Variants in INPP5A observed in about 807,000 individuals in gnomAD.
The protein encoded by INPP5A is 43 kDa inositol polyphosphate 5-phophatase.
Under a neutral mutation model 65.2 loss-of-function variants are expected in INPP5A, and 14 were observed. That is an observed-to-expected ratio of 0.21 (90% CI 0.14 to 0.34). The LOEUF is 0.34. Among genes scored for constraint, INPP5A ranks in the 10% least tolerant of loss-of-function variants. The pLI is 1.00. For synonymous variants in INPP5A, 207 were observed against 208.3 expected, an observed-to-expected ratio of 0.99 and a Z score of 0.05; for missense variants, 431 against 545.6, an observed-to-expected ratio of 0.79 and a Z score of 2.09.
chr10:132,734,776 C>G (rs983754488), intron 9 of INPP5A, among the ~76,000 whole-genome samples: 2 of 152,256 alleles, frequency 1.3e-5, no homozygotes, highest in African/African-American at 4.8e-5. Flanking sequence ...ACCGAAGTGT[C>G]TGTGCACATC....
intron 2 of INPP5A, among the ~76,000 whole-genome samples, chr10:132,621,250 A>T (rs1180677577): frequency 1.3e-5 from 2 of 152,220 alleles, no homozygotes; most frequent in East Asian, 3.8e-4. Flanking sequence ...TCTCCCATGC[A>T]GTATGGTACT....
chr10:132,624,886 C>A (rs1410015940), intron 2 of INPP5A, among the ~76,000 whole-genome samples: 1 of 152,008 alleles, frequency 6.6e-6, no homozygotes, highest in Non-Finnish European at 1.5e-5. Flanking sequence ...TGCCAGGGCC[C>A]ACACCGTGGC....
rs182333909 is a variant in INPP5A, at chr10:132,683,274, G to A, written c.307-7118G>A. ...TTGTATTATATACATATGCACACAC[G>A]TTTAATCCACGTGCACACGTGTGTG... On this transcript the variant is annotated intron_variant, in intron 4 of 15. Coordinates refer to ENST00000368594, the MANE Select transcript of INPP5A (RefSeq NM_005539.5). Among the ~76,000 whole-genome samples, 17 of 127,272 alleles carry A rather than the reference G, an allele frequency of 1.3e-4. No individual in the cohort carries two copies. In the East Asian group the frequency reaches 3.8e-3, roughly 29 times the overall value. The allele number at this position is 127,272 out of a possible 152,430, so 83.5% of individuals were successfully genotyped here.
chr10:132,604,053 T>C (rs374882106), intron 1 of INPP5A, among the ~76,000 whole-genome samples: 72 of 108,072 alleles, frequency 6.7e-4, no homozygotes, highest in African/African-American at 1.5e-3. Flanking sequence ...GTCCCCTCTC[T>C]GTCCCGCCCT....
intron 1 of INPP5A, among the ~76,000 whole-genome samples, chr10:132,552,547 G>T (rs2071069190): frequency 1.5e-5 from 2 of 137,610 alleles, no homozygotes; most frequent in African/African-American, 2.7e-5. Context: ...AGCCTTGGTG[G>T]AATATTGAGT....
chr10:132,719,480 G>C (rs1235194455), intron 8 of INPP5A, among the ~76,000 whole-genome samples: 23 of 128,786 alleles, frequency 1.8e-4, no homozygotes, highest in South Asian at 5.1e-4. Context: ...CGGCTGTCTT[G>C]CGGGTTCTGT....
intron 5 of INPP5A, among the ~76,000 whole-genome samples, chr10:132,696,653 T>G (rs1210670628): frequency 6.6e-6 from 1 of 152,224 alleles, no homozygotes; most frequent in African/African-American, 2.4e-5. Flanking sequence ...CCGTGGTGTC[T>G]AAGCTCCGAG....
At chr10:132,750,296 G>A (rs539144905) in intron 11 of INPP5A, among the ~76,000 whole-genome samples, 2 of 152,374 alleles carry the variant, frequency 1.3e-5, no homozygotes, top group East Asian at 1.9e-4. Context: ...TAGTGCATGC[G>A]TGTGCACATG....
intron 1 of INPP5A, among the ~76,000 whole-genome samples, chr10:132,585,554 T>C (rs1285090702): frequency 6.6e-6 from 1 of 152,122 alleles, no homozygotes; most frequent in Admixed American, 6.5e-5. Flanking sequence ...AGGCGTCCAC[T>C]GGGGGGGTCT....
intron 1 of INPP5A, among the ~76,000 whole-genome samples, chr10:132,544,911 A>G (rs1336270645): frequency 2.0e-5 from 3 of 151,790 alleles, no homozygotes; most frequent in Non-Finnish European, 4.4e-5. Context: ...GAGAGTTTAG[A>G]TCACCCGGGT....
In INPP5A at chr10:132,773,619, G is replaced by A. The variant is rs150061328; in HGVS notation, c.978-4052G>A. ...CAGGAGGGAGCGAGGCCGCCCGTCCGCCTGGTGGTCAGGAACCCTGGGTGC... is the reference window on the plus strand; with the variant it reads ...CAGGAGGGAGCGAGGCCGCCCGTCCACCTGGTGGTCAGGAACCCTGGGTGC... On this transcript the variant is annotated intron_variant, in intron 12 of 15. Transcript: ENST00000368594. Among the ~76,000 whole-genome samples, 909 of 152,330 alleles carry A rather than the reference G, an allele frequency of 6.0e-3. 13 individuals are homozygous for A. Among genetic ancestry groups the A allele is most frequent in the African/African-American group, 0.02 (818 of 41,576 alleles).
chr10:132,690,313 C>A, intron 4 of INPP5A, 79 bp from the exon 5 acceptor site: 1 of 949,208 alleles, frequency 1.1e-6, no homozygotes, highest in Non-Finnish European at 1.7e-6. Flanking sequence ...TTTAAAAGAG[C>A]TTCTTTTATT....
intron 4 of INPP5A, among the ~76,000 whole-genome samples, chr10:132,658,315 T>C (rs1228159586): frequency 1.3e-5 from 2 of 152,214 alleles, no homozygotes; most frequent in Non-Finnish European, 2.9e-5. Flanking sequence ...ATCCCAGTGT[T>C]TGGGCACATT....
rs1490082945 is a variant in INPP5A, at chr10:132,587,598, T to A, written c.76-20317T>A. ...GCCTGAACTCCAGCCTCTCCCTCTT[T>A]GTTGTTTGTATGCCGTGCTCAGAAG... is the stretch of plus-strand genomic sequence containing the variant. On this transcript the variant is annotated intron_variant, in intron 1 of 15. Transcript: ENST00000368594. The surrounding 1 kb of genome is among the most constrained non-coding windows in gnomAD (Gnocchi z 4.3). 6.6e-6 allele frequency among the ~76,000 whole-genome samples: 1 copy of A among 152,192 alleles called. No individual in the cohort carries two copies. The highest frequency in any genetic ancestry group is 2.4e-5 in the African/African-American group (1 of 41,442).
At chr10:132,594,438 C>T (rs1018465693) in intron 1 of INPP5A, among the ~76,000 whole-genome samples, 6 of 152,170 alleles carry the variant, frequency 3.9e-5, no homozygotes, top group Non-Finnish European at 7.3e-5. Flanking sequence ...CCTGTAGCAA[C>T]GGCCTAGGTG....
At chr10:132,712,511 C>T (rs1259021892) in intron 8 of INPP5A, among the ~76,000 whole-genome samples, 1 of 144,340 alleles carries the variant, frequency 6.9e-6, no homozygotes, top group Non-Finnish European at 1.5e-5. Flanking sequence ...TGCACACTTG[C>T]AGGGGTGTGG....
chr10:132,596,726 G>A (rs1030675435), intron 1 of INPP5A, among the ~76,000 whole-genome samples: 9 of 152,232 alleles, frequency 5.9e-5, no homozygotes, highest in South Asian at 2.1e-4. Flanking sequence ...CACCACGCCC[G>A]GCCCATGTGT....
intron 12 of INPP5A, among the ~76,000 whole-genome samples, chr10:132,766,974 C>T (rs1199896029): frequency 1.2e-3 from 162 of 131,386 alleles, no homozygotes; most frequent in African/African-American, 4.9e-3. Context: ...AGGATGTGGC[C>T]TCGGAGCTTG....
chr10:132,560,150 A>C (rs547410076), intron 1 of INPP5A, among the ~76,000 whole-genome samples: 5 of 146,176 alleles, frequency 3.4e-5, no homozygotes, highest in African/African-American at 1.3e-4. Flanking sequence ...CTGTGTGAAC[A>C]TGTGTCTCCA....
Sources: gnomAD v4.1 joint callset for allele counts (sites outside exome capture counted in the v4.1 genomes callset) on GRCh38, gnomAD v4.1.1 for gene constraint, Gnocchi (gnomAD v3.1) non-coding constraint, MANE v1.5 for transcripts, NCBI Gene and HGNC (gene_info 2026-07-23, HGNC 2026-07-21) for gene names.